The following CEP85L variants were observed in gnomAD, a reference collection of about 807,000 sequenced individuals.
CEP85L encodes the protein centrosomal protein of 85 kDa-like.
In CEP85L, 60 loss-of-function variants were observed where a neutral mutation model predicts 100.3. That is an observed-to-expected ratio of 0.60 (90% CI 0.49 to 0.74). CEP85L has a LOEUF of 0.74. Ranked by LOEUF, CEP85L falls within the 30% of genes least tolerant of loss-of-function variation. The pLI is 0.00. For synonymous variants in CEP85L, 319 were observed against 322.7 expected, an observed-to-expected ratio of 0.99 and a Z score of 0.12; for missense variants, 973 against 936.2, an observed-to-expected ratio of 1.04 and a Z score of -0.51.
At chr6:118,684,005 A>G (rs889047429) in intron 1 of CEP85L, among the ~76,000 whole-genome samples, 8 of 152,226 alleles carry the variant, frequency 5.3e-5, no homozygotes, top group Non-Finnish European at 1.2e-4. Context: ...TTCAATGATA[A>G]TATTTTCTCT....
At chr6:118,647,218 C>CTA in intron 1 of CEP85L, 1 of 207,762 alleles carries the variant, frequency 4.8e-6, no homozygotes, top group Non-Finnish European at 8.4e-6. Context: ...TGGCAAGCAT[C>CTA]AATTAAGAGG....
chr6:118,550,884 T>C (rs1778501542), intron 3 of CEP85L, among the ~76,000 whole-genome samples: 1 of 151,926 alleles, frequency 6.6e-6, no homozygotes, highest in African/African-American at 2.4e-5. Flanking sequence ...CTAAATTATA[T>C]TCTACTGATC....
Position 118,620,995 on chromosome 6 carries a change from G to A in CEP85L, c.232+11458C>T, listed in dbSNP as rs141713674. ...TTGTCCCTTACTTGAGGAGGGAATC[G>A]ACCCTGAAGTCTGGGCAATGGAAGG... is the stretch of plus-strand genomic sequence containing the variant. On this transcript the variant is annotated intron_variant, in intron 2 of 12. Coordinates refer to ENST00000368491, the MANE Select transcript of CEP85L (RefSeq NM_001042475.3). Among the ~76,000 whole-genome samples, 132 of 152,236 alleles carry A rather than the reference G, an allele frequency of 8.7e-4. 3 individuals carry two copies. The East Asian group carries it at 0.015, about 17-fold the overall frequency.
chr6:118,676,084 A>T (rs1014074282), intron 1 of CEP85L, among the ~76,000 whole-genome samples: 2 of 152,174 alleles, frequency 1.3e-5, no homozygotes, highest in African/African-American at 4.8e-5. Context: ...TACTATTATT[A>T]GTCAGCTTGA....
intron 1 of CEP85L, among the ~76,000 whole-genome samples, chr6:118,646,524 C>T (rs911922519): frequency 1.3e-5 from 2 of 151,736 alleles, no homozygotes; most frequent in Non-Finnish European, 2.9e-5. Flanking sequence ...AAAACATTAG[C>T]CAGGTATGGT....
chr6:118,594,886 A>G (rs562611071), intron 2 of CEP85L, among the ~76,000 whole-genome samples: 1 of 151,918 alleles, frequency 6.6e-6, no homozygotes, highest in Non-Finnish European at 1.5e-5. Flanking sequence ...CAAAACAAAA[A>G]AAAAAAACCT....
chr6:118,465,990 A>C (rs1197150188), intron 12 of CEP85L, among the ~76,000 whole-genome samples: 1 of 152,138 alleles, frequency 6.6e-6, no homozygotes, highest in Non-Finnish European at 1.5e-5. Flanking sequence ...TGAAAATATT[A>C]ATTTTCAAAT....
intron 5 of CEP85L, among the ~76,000 whole-genome samples, chr6:118,505,350 A>G (rs1460437174): frequency 2.9e-5 from 4 of 135,670 alleles, no homozygotes; most frequent in Non-Finnish European, 6.2e-5. Context: ...CTGAGGCAGG[A>G]GAATTGCTTG....
At chr6:118,514,795 G>A (rs1776174029) in intron 4 of CEP85L, among the ~76,000 whole-genome samples, 1 of 151,740 alleles carries the variant, frequency 6.6e-6, no homozygotes, top group Non-Finnish European at 1.5e-5. Context: ...AATATTAGTA[G>A]AAGCAGATTT....
intron 3 of CEP85L, among the ~76,000 whole-genome samples, chr6:118,535,119 GAAACTAA>G (rs1297121341): frequency 6.6e-6 from 1 of 152,038 alleles, no homozygotes; most frequent in Non-Finnish European, 1.5e-5. Flanking sequence ...ATAATCATCC[GAAACTAA>G]AAACAACCCA....
In CEP85L at chr6:118,530,892, T is replaced by A. The variant is rs76918721; in HGVS notation, c.1021-6972A>T. On this transcript the variant is annotated intron_variant, in intron 3 of 12. Transcript: ENST00000368491. ...AAAAAAGGAAAAACAACCCATGCTC[T>A]GGATAAGAAAAATCAATATTGTTAA... Among the ~76,000 whole-genome samples, 559 of 150,844 alleles carry A rather than the reference T, an allele frequency of 3.7e-3. 3 individuals are homozygous for A. Among genetic ancestry groups the A allele is most frequent in the African/African-American group, 0.013 (533 of 41,244 alleles).
chr6:118,543,935 A>C (rs921225005), intron 3 of CEP85L, among the ~76,000 whole-genome samples: 7 of 152,228 alleles, frequency 4.6e-5, no homozygotes, highest in African/African-American at 1.7e-4. Flanking sequence ...AGTTAAGAGG[A>C]GAGTTGGTCA....
At chr6:118,550,886 C>A (rs958228518) in intron 3 of CEP85L, among the ~76,000 whole-genome samples, 5 of 151,804 alleles carry the variant, frequency 3.3e-5, no homozygotes, top group Admixed American at 6.6e-5. Context: ...AAATTATATT[C>A]TACTGATCAT....
intron 2 of CEP85L, among the ~76,000 whole-genome samples, chr6:118,612,227 C>G (rs1188450757): frequency 6.6e-6 from 1 of 151,662 alleles, no homozygotes; most frequent in African/African-American, 2.4e-5. Flanking sequence ...CACTTACAGT[C>G]CTGAGAAGCA....
At chr6:118,624,873 A>G (rs1250747491) in intron 2 of CEP85L, among the ~76,000 whole-genome samples, 1 of 152,236 alleles carries the variant, frequency 6.6e-6, no homozygotes, top group Admixed American at 6.5e-5. Context: ...CCATATAAGA[A>G]ACTAGACCTT....
Position 118,575,255 on chromosome 6 carries a change from T to C in CEP85L, c.233-8939A>G, listed in dbSNP as rs80300970. Among the ~76,000 whole-genome samples, 569 of 152,258 alleles carry C rather than the reference T, an allele frequency of 3.7e-3. 3 individuals carry two copies. Among genetic ancestry groups the C allele is most frequent in the African/African-American group, 0.013 (543 of 41,554 alleles). ...GCTCTCTAGGTCTCATGTTAAAATA[T>C]TGGAGAGAAAATGAAAGCACCAAAC... On this transcript the variant is annotated intron_variant, in intron 2 of 12. Coordinates refer to ENST00000368491, the MANE Select transcript of CEP85L (RefSeq NM_001042475.3).
Position 118,599,482 on chromosome 6 carries a change from T to G in CEP85L, c.232+32971A>C, listed in dbSNP as rs114806017. On this transcript the variant is annotated intron_variant, in intron 2 of 12. Transcript: ENST00000368491. ...ATAAATGAGAGAGAAGAGGTTACTT[T>G]CTTACAGAAGAATTCCAAATCATAT... Among the ~76,000 whole-genome samples, 1,507 of 152,300 alleles carry G rather than the reference T, an allele frequency of 9.9e-3. 35 individuals are homozygous for G. The highest frequency in any genetic ancestry group is 0.034 in the African/African-American group (1,395 of 41,562).
chr6:118,518,344 TGA>T (rs1776409709), intron 4 of CEP85L, among the ~76,000 whole-genome samples: 1 of 152,238 alleles, frequency 6.6e-6, no homozygotes, highest in African/African-American at 2.4e-5. Flanking sequence ...AATTTGGCTG[TGA>T]ATCTGTCTGG....
At chr6:118,501,287 T>G in intron 5 of CEP85L, 1 of 368,452 alleles carries the variant, frequency 2.7e-6, no homozygotes. Flanking sequence ...GGGTGCCACT[T>G]CTGGTCCAGG....
Sources: gnomAD v4.1 joint callset for allele counts (sites outside exome capture counted in the v4.1 genomes callset) on GRCh38, gnomAD v4.1.1 for gene constraint, MANE v1.5 for transcripts, NCBI Gene and HGNC (gene_info 2026-07-23, HGNC 2026-07-21) for gene names.